The following INPP4B variants were observed in gnomAD, a reference collection of about 807,000 sequenced individuals.
The protein encoded by INPP4B is inositol polyphosphate 4-phosphatase type II.
In INPP4B, 55 loss-of-function variants were observed where a neutral mutation model predicts 122.5. That is an observed-to-expected ratio of 0.45 (90% CI 0.36 to 0.56). The LOEUF is 0.56. Ranked by LOEUF, INPP4B falls within the 20% of genes least tolerant of loss-of-function variation. INPP4B has a pLI of 0.00. For missense variants in INPP4B, 1,000 were observed against 1,097.7 expected (o/e 0.91, Z 1.26); for synonymous variants, 403 against 388.7 (o/e 1.04, Z -0.43).
At chr4:142,100,764 A>G (rs1376161149) in intron 23 of INPP4B, among the ~76,000 whole-genome samples, 3 of 152,120 alleles carry the variant, frequency 2.0e-5, no homozygotes, top group African/African-American at 7.2e-5. Context: ...AAGGGAGAGC[A>G]TGATGATGAA....
chr4:142,760,616 T>A (rs74485874), intron 1 of INPP4B, among the ~76,000 whole-genome samples: 4,553 of 152,250 alleles, frequency 0.03, 84 homozygotes, highest in Non-Finnish European at 0.041. Context: ...GGGAAAGTCA[T>A]GTTACATGAG....
At chr4:142,320,091 T>TG (rs1769422524) in intron 7 of INPP4B, among the ~76,000 whole-genome samples, 1 of 152,206 alleles carries the variant, frequency 6.6e-6, no homozygotes, top group South Asian at 2.1e-4. Flanking sequence ...TCTTGATGGC[T>TG]GTTCACAGGA....
Position 142,173,952 on chromosome 4 carries a change from G to T in INPP4B, c.1182-143C>A, listed in dbSNP as rs915786228. Reference sequence around the variant, plus strand: ...ACTGTCCTAAGAGATTTTTAATGATGCACTAGCAATTTTTATGTAAGGTGA... The same window carrying T: ...ACTGTCCTAAGAGATTTTTAATGATTCACTAGCAATTTTTATGTAAGGTGA... On this transcript the variant is annotated intron_variant, in intron 15 of 25. Transcript: ENST00000262992. The T allele has an allele frequency of 4.7e-5, 33 of 704,390 alleles. No homozygotes were observed. In the African/African-American group the frequency reaches 5.7e-4, roughly 12 times the overall value. 43.6% of individuals were successfully genotyped at this position (704,390 alleles called of 1,614,324 possible).
chr4:142,260,655 A>C (rs1739499487), intron 10 of INPP4B, 91 bp from the exon 11 acceptor site: 1 of 819,816 alleles, frequency 1.2e-6, no homozygotes, highest in Non-Finnish European at 2.0e-6. Context: ...AAGGCTATGT[A>C]CATGGTTTCA....
intron 7 of INPP4B, among the ~76,000 whole-genome samples, chr4:142,359,359 A>G (rs1270194464): frequency 6.6e-6 from 1 of 151,946 alleles, no homozygotes; most frequent in Non-Finnish European, 1.5e-5. Context: ...TAGTCACAAT[A>G]ATAACAGTAC....
In INPP4B at chr4:142,479,676, G is replaced by A. The variant is rs559671247; in HGVS notation, c.-190-16950C>T. Among the ~76,000 whole-genome samples, 4 of 152,242 alleles carry A rather than the reference G, an allele frequency of 2.6e-5. No homozygotes were observed. In the South Asian group the frequency reaches 8.3e-4, roughly 32 times the overall value. On this transcript the variant is annotated intron_variant, in intron 2 of 25. Coordinates refer to ENST00000262992, the MANE Select transcript of INPP4B (RefSeq NM_001101669.3). ...TCCTAAGCAGCAAATGAACGGAGCT[G>A]AAAGTCATAATCCTAAGCGAACTAA...
intron 1 of INPP4B, among the ~76,000 whole-genome samples, chr4:142,840,406 T>C (rs1783337908): frequency 6.6e-6 from 1 of 152,192 alleles, no homozygotes; most frequent in African/African-American, 2.4e-5. Flanking sequence ...TTTTTTTCTA[T>C]CATGTTCATT....
Position 142,243,470 on chromosome 4 carries a change from A to G in INPP4B, c.689-5459T>C, listed in dbSNP as rs561989288. Among the ~76,000 whole-genome samples the G allele has an allele frequency of 2.8e-4, 42 of 152,328 alleles. 1 individual carries two copies. Among genetic ancestry groups the G allele is most frequent in the Admixed American group, 2.3e-3 (35 of 15,292 alleles). On this transcript the variant is annotated intron_variant, in intron 11 of 25. Transcript: ENST00000262992. ...ATTGCATCACGTTTGTTAAAACAGCAAAGGACAAATAAATCTAGGGAGGAA... is the reference window on the plus strand; with the variant it reads ...ATTGCATCACGTTTGTTAAAACAGCGAAGGACAAATAAATCTAGGGAGGAA...
At chr4:142,385,372 T>TAA (rs199869287) in intron 7 of INPP4B, among the ~76,000 whole-genome samples, 3,740 of 145,298 alleles carry the variant, frequency 0.026, 153 homozygotes, top group African/African-American at 0.088. Flanking sequence ...TACTGAACCT[T>TAA]AAAAAAAAAA....
At chr4:142,061,885 C>CATATAT (rs66485353) in intron 25 of INPP4B, among the ~76,000 whole-genome samples, 2 of 139,328 alleles carry the variant, frequency 1.4e-5, no homozygotes, top group East Asian at 2.0e-4. Context: ...CACACACACA[C>CATATAT]ATATATATAT....
At chr4:142,318,948 C>T (rs1257358629) in intron 7 of INPP4B, among the ~76,000 whole-genome samples, 2 of 152,186 alleles carry the variant, frequency 1.3e-5, no homozygotes, top group Non-Finnish European at 2.9e-5. Context: ...GCAAGACATA[C>T]TCCTCAGACT....
chr4:142,189,839 G>A (rs562940401), intron 15 of INPP4B, among the ~76,000 whole-genome samples: 2 of 152,280 alleles, frequency 1.3e-5, no homozygotes, highest in Admixed American at 6.5e-5. Context: ...CAGTGGATAA[G>A]TATGGACTCC....
chr4:142,257,865 A>G (rs1391646108), intron 11 of INPP4B, among the ~76,000 whole-genome samples: 5 of 152,326 alleles, frequency 3.3e-5, no homozygotes, highest in Admixed American at 2.6e-4. Context: ...TCAAGTTCAT[A>G]TGGAACCAAA....
intron 17 of INPP4B, among the ~76,000 whole-genome samples, chr4:142,157,902 T>C (rs1020301528): frequency 1.3e-5 from 2 of 152,042 alleles, no homozygotes; most frequent in Non-Finnish European, 2.9e-5. Flanking sequence ...ATGGTTCTAC[T>C]TTATGGATAA....
intron 7 of INPP4B, among the ~76,000 whole-genome samples, chr4:142,345,186 T>A (rs1019124720): frequency 6.6e-5 from 10 of 152,058 alleles, no homozygotes; most frequent in Admixed American, 1.3e-4. Flanking sequence ...TGGAAGAATC[T>A]ATGCATTACA....
chr4:142,208,863 C>T (rs2149525864), intron 13 of INPP4B, 33 bp downstream of exon 13: 1 of 1,426,436 alleles, frequency 7.0e-7, no homozygotes, highest in Non-Finnish European at 9.3e-7. Flanking sequence ...AAATGCAATT[C>T]ACTTTGAGTA....
chr4:142,464,532 G>A (rs1203730987), intron 2 of INPP4B, among the ~76,000 whole-genome samples: 2 of 150,870 alleles, frequency 1.3e-5, no homozygotes, highest in Non-Finnish European at 3.0e-5. Context: ...TTAATTTGGG[G>A]AAAAAAAATT....
At chr4:142,163,792 G>C (rs929300472) in intron 16 of INPP4B, among the ~76,000 whole-genome samples, 4 of 151,706 alleles carry the variant, frequency 2.6e-5, no homozygotes, top group African/African-American at 9.7e-5. Flanking sequence ...TTGCAACTGG[G>C]ACGATACTAG....
intron 3 of INPP4B, among the ~76,000 whole-genome samples, chr4:142,444,860 T>C (rs535404041): frequency 7.9e-5 from 12 of 152,188 alleles, no homozygotes; most frequent in African/African-American, 2.9e-4. Flanking sequence ...GTTTATTTCC[T>C]TTGCAGGGAT....
Sources: allele counts gnomAD v4.1 joint callset (sites outside exome capture counted in the v4.1 genomes callset), GRCh38; gene constraint gnomAD v4.1.1; transcripts MANE v1.5; gene names NCBI Gene and HGNC (gene_info 2026-07-23, HGNC 2026-07-21).